The following SERPINA4 variants were observed in gnomAD, a reference collection of about 807,000 sequenced individuals.
SERPINA4 encodes serpin family A member 4, also known as kallistatin.
A neutral mutation model predicts 25.4 loss-of-function variants in SERPINA4; 24 were observed. The observed-to-expected ratio is 0.95, with a 90% CI of 0.69 to 1.33. The LOEUF (loss-of-function observed/expected upper bound fraction) is 1.33. Among genes scored for constraint, SERPINA4 ranks in the 40% most tolerant of loss-of-function variants. The pLI is 0.00. For missense variants in SERPINA4, 553 were observed against 535.8 expected (o/e 1.03, Z -0.32); for synonymous variants, 242 against 223.6 (o/e 1.08, Z -0.73).
Position 94,569,463 on chromosome 14 carries a change from G to T in SERPINA4, c.1152G>T (p.Ala384=), listed in dbSNP as rs769083861. 1 of 1,614,052 alleles carries T rather than the reference G, an allele frequency of 6.2e-7. No individual in the cohort carries two copies. Among genetic ancestry groups the T allele is most frequent in the African/African-American group, 1.3e-5 (1 of 74,918 alleles). The change falls in exon 5 of 5, where the codon GCG becomes GCT. Residue 384 remains alanine, a synonymous_variant. Coordinates refer to ENST00000557004, the MANE Select transcript of SERPINA4 (RefSeq NM_006215.4). ...AGGCTGCAGCAGCCACCAGCTTCGC[G>T]ATCAAATTCTTCTCTGCCCAGACCA... The part of the protein sequence containing the change: ...GTEAAAATSF[A]IKFFSAQTNR...
intron 4 of SERPINA4, 37 bp from the exon 5 acceptor site, chr14:94,569,358 G>C (rs1446149172): frequency 6.2e-7 from 1 of 1,601,066 alleles, no homozygotes; most frequent in Non-Finnish European, 8.5e-7. Context: ...CCCCTCTCTT[G>C]CTGGCTTGGA....
At chr14:94,564,999 G>A (rs1336286230) in intron 2 of SERPINA4, among the ~76,000 whole-genome samples, 4 of 152,174 alleles carry the variant, frequency 2.6e-5, no homozygotes, top group African/African-American at 7.2e-5. Flanking sequence ...AACTTTGTAC[G>A]GTGTGTATTA....
intron 1 of SERPINA4, among the ~76,000 whole-genome samples, chr14:94,562,072 G>A (rs191087887): frequency 6.6e-6 from 1 of 152,242 alleles, no homozygotes; most frequent in East Asian, 1.9e-4. Flanking sequence ...AATATATAAA[G>A]CTATGAAAAA....
At chr14:94,565,569 T>C (rs890239264) in intron 2 of SERPINA4, among the ~76,000 whole-genome samples, 1 of 152,022 alleles carries the variant, frequency 6.6e-6, no homozygotes, top group African/African-American at 2.4e-5. Context: ...GTTTTGAGGC[T>C]GGGCATAGTG....
At chr14:94,564,196 A>G in intron 2 of SERPINA4, 65 bp downstream of exon 2, 3 of 1,500,270 alleles carry the variant, frequency 2.0e-6, no homozygotes, top group Non-Finnish European at 2.7e-6. Flanking sequence ...TAATTTGTTG[A>G]CTGGTTAAAT....
At chr14:94,561,639 G>A in intron 1 of SERPINA4, 145 bp downstream of exon 1, 11 of 1,280,916 alleles carry the variant, frequency 8.6e-6, no homozygotes, top group Non-Finnish European at 1.0e-5. Context: ...GGGACACTTT[G>A]TCACTCTTGC....
In SERPINA4 at chr14:94,563,492, A is replaced by G. The variant is rs1566828597; in HGVS notation, c.10A>G (p.Ile4Val). MHL[I>V]DYLLLLLVGL... is the part of the protein sequence containing the mutation. ...CCTGAGAGTGCAGAGGATGCATCTT[A>G]TCGACTACCTGCTCCTCCTGCTGGT... Residue 4 changes from isoleucine (I) to valine (V), a missense_variant, in exon 2 of 5, where the codon ATC (isoleucine) becomes GTC (valine). Physicochemically the swap from Ile to Val is conservative, Grantham distance 29. Transcript: ENST00000557004. 2 of 1,612,562 alleles carry G rather than the reference A, an allele frequency of 1.2e-6. No individual in the cohort carries two copies. The highest frequency in any genetic ancestry group is 1.7e-6 in the Non-Finnish European group (2 of 1,179,174).
intron 3 of SERPINA4, among the ~76,000 whole-genome samples, chr14:94,567,847 G>A (rs993909812): frequency 2.6e-5 from 4 of 152,192 alleles, no homozygotes; most frequent in African/African-American, 7.2e-5. Context: ...GCCACCTGGC[G>A]AGGCTTACAT....
chr14:94,567,328 G>T, intron 3 of SERPINA4, 85 bp downstream of exon 3: 1 of 1,428,714 alleles, frequency 7.0e-7, no homozygotes, highest in African/African-American at 1.4e-5. Context: ...CCAAAATAGA[G>T]AGTGAACACC....
At chr14:94,567,281 A>G (rs148026420) in intron 3 of SERPINA4, 38 bp downstream of exon 3, 2 of 1,561,442 alleles carry the variant, frequency 1.3e-6, no homozygotes, top group East Asian at 4.5e-5. Context: ...CTACAGTACT[A>G]TCCATCAAAT....
intron 1 of SERPINA4, among the ~76,000 whole-genome samples, chr14:94,562,311 T>C (rs1243986324): frequency 3.3e-5 from 5 of 152,238 alleles, no homozygotes; most frequent in Non-Finnish European, 5.9e-5. Context: ...TTCTGAGCCC[T>C]GGTTGAGGAT....
At chr14:94,566,857 A>G in intron 2 of SERPINA4, 113 bp from the exon 3 acceptor site, 2 of 1,258,356 alleles carry the variant, frequency 1.6e-6, no homozygotes, top group Non-Finnish European at 1.1e-6. Flanking sequence ...CTCATAGGGC[A>G]GGATCTGGAG....
chr14:94,566,840 T>C lies in SERPINA4; in HGVS notation c.650-130T>C, dbSNP rs1902228127. 9.3e-6 allele frequency: 10 copies of C among 1,072,700 alleles called. No homozygotes were observed. In the Admixed American group the frequency reaches 2.3e-4, roughly 25 times the overall value. The allele number at this position is 1,072,700 out of a possible 1,614,324, so 66.4% of individuals were successfully genotyped here. ...TTTGAATGGTCAAAATGGGACATCTTGATGGGCTCATAGGGCAGGATCTGG... is the reference window on the plus strand; with the variant it reads ...TTTGAATGGTCAAAATGGGACATCTCGATGGGCTCATAGGGCAGGATCTGG... On this transcript the variant is annotated intron_variant, in intron 2 of 4. Coordinates refer to ENST00000557004, the MANE Select transcript of SERPINA4 (RefSeq NM_006215.4).
At chr14:94,566,080 T>C (rs968249256) in intron 2 of SERPINA4, among the ~76,000 whole-genome samples, 4 of 152,146 alleles carry the variant, frequency 2.6e-5, no homozygotes, top group African/African-American at 9.7e-5. Context: ...GCTTCCCTCC[T>C]CACACTGCAG....
intron 2 of SERPINA4, among the ~76,000 whole-genome samples, chr14:94,566,617 C>G (rs1379322867): frequency 6.6e-6 from 1 of 152,176 alleles, no homozygotes; most frequent in South Asian, 2.1e-4. Context: ...TTATGGAAGG[C>G]TGACCCCTCT....
chr14:94,563,817 T>C lies in SERPINA4; in HGVS notation c.335T>C (p.Leu112Pro), dbSNP rs772962250. 98 of 1,614,104 alleles carry C rather than the reference T, an allele frequency of 6.1e-5. No homozygotes were observed. Among genetic ancestry groups the C allele is most frequent in the Middle Eastern group, 1.6e-4 (1 of 6,084 alleles). Residue 112 changes from leucine to proline, a missense_variant, in exon 2 of 5, where the codon CTG becomes CCG. By Grantham distance (98) the Leu-to-Pro change is moderately conservative. Transcript: ENST00000557004. ...LEGLGFNLTE[L>P]SESDVHRGFQ... ...GGCCTGGGCTTCAACCTCACCGAGC[T>C]GTCTGAGTCCGATGTCCATAGGGGC...
At position 94,563,985 on chromosome 14, in the gene SERPINA4, TC is replaced by T. The variant is rs1416814967; in HGVS notation, c.505del (p.His169ThrfsTer38). On this transcript the variant is annotated frameshift_variant, in exon 2 of 5. Coordinates refer to ENST00000557004, the MANE Select transcript of SERPINA4 (RefSeq NM_006215.4). LOFTEE classifies it high-confidence loss of function. ...ATGGCCGTCTATGAGGCTAAACTCT[TC>T]CACACCAACTTCTACGACACTGTGG... ...DTMAVYEAKLFHTNFYDTVGT... is the reference protein window; with the variant it reads ...DTMAVYEAKLXHTNFYDTVGT... 2 of 1,614,050 alleles carry T rather than the reference TC, an allele frequency of 1.2e-6. No homozygotes were observed. Among genetic ancestry groups the T allele is most frequent in the African/African-American group, 2.7e-5 (2 of 74,930 alleles).
In SERPINA4 at chr14:94,569,541, C is replaced by T. The variant is rs1324087699; in HGVS notation, c.1230C>T (p.Thr410=). The change falls in exon 5 of 5, where the codon ACC becomes ACT. Residue 410 remains threonine, a synonymous_variant. Coordinates refer to ENST00000557004, the MANE Select transcript of SERPINA4 (RefSeq NM_006215.4). ...CCTTCCTTGTGGTGATCTTTTCCAC[C>T]AGCACCCAGAGTGTCCTCTTTCTGG... ...NRPFLVVIFS[T]STQSVLFLGK... 4 of 1,614,190 alleles carry T rather than the reference C, an allele frequency of 2.5e-6. No individual in the cohort carries two copies. In the East Asian group the frequency reaches 6.7e-5, roughly 27 times the overall value.
Position 94,568,239 on chromosome 14 carries a change from G to A in SERPINA4, c.1034G>A (p.Trp345Ter), listed in dbSNP as rs865976317. Residue 345 changes from tryptophan (W) to a stop codon, truncating the protein, a stop_gained, in exon 4 of 5, where the codon TGG becomes TAG. Coordinates refer to ENST00000557004, the MANE Select transcript of SERPINA4 (RefSeq NM_006215.4). LOFTEE classifies it low-confidence loss of function (END_TRUNC). Reference sequence around the variant, plus strand: ...GGCTTCACGGATCTGTTCTCCAAGTGGGCTGACTTATCCGGCATCACCAAA... The same window carrying A: ...GGCTTCACGGATCTGTTCTCCAAGTAGGCTGACTTATCCGGCATCACCAAA... ...RLGFTDLFSK[W>*]ADLSGITKQQ... The A allele has an allele frequency of 1.9e-6, 3 of 1,614,054 alleles. No homozygotes were observed. Among genetic ancestry groups the A allele is most frequent in the African/African-American group, 2.7e-5 (2 of 74,916 alleles).
Sources: gnomAD v4.1 joint callset for allele counts (sites outside exome capture counted in the v4.1 genomes callset) on GRCh38, gnomAD v4.1.1 for gene constraint, MANE v1.5 for transcripts, NCBI Gene and HGNC (gene_info 2026-07-23, HGNC 2026-07-21) for gene names.